Variants in ADGRG1 observed in about 807,000 individuals in gnomAD.
ADGRG1 encodes adhesion G protein-coupled receptor G1.
In ADGRG1, 53 loss-of-function variants were observed where a neutral mutation model predicts 73.5. The ratio of observed to expected loss-of-function variants is 0.72; its 90% CI spans 0.58 to 0.91. ADGRG1 has a LOEUF of 0.91. Ranked by LOEUF, ADGRG1 falls within the 40% of genes least tolerant of loss-of-function variation. ADGRG1 has a pLI of 0.00. For synonymous variants in ADGRG1, 394 were observed against 374.4 expected (o/e 1.05, Z -0.60); for missense variants, 795 against 871.8 (o/e 0.91, Z 1.11).
Position 57,629,638 on chromosome 16 carries a change from C to A in ADGRG1, c.-36+836C>A, listed in dbSNP as rs563746567. On this transcript the variant is annotated intron_variant, in intron 1 of 13. Transcript: ENST00000562631. Reference sequence around the variant, plus strand: ...AGGCCAGCTTTGGGAGAAGGTGGCCCCGCAGGGTCTCTGAACGTGGGCCAC... The same window carrying A: ...AGGCCAGCTTTGGGAGAAGGTGGCCACGCAGGGTCTCTGAACGTGGGCCAC... Among the ~76,000 whole-genome samples the A allele has an allele frequency of 9.0e-4, 137 of 152,272 alleles. 1 individual carries two copies. The South Asian group carries it at 0.013, about 15-fold the overall frequency.
At chr16:57,634,138 C>T (rs1171254205) in intron 1 of ADGRG1, 1 of 985,202 alleles carries the variant, frequency 1.0e-6, no homozygotes, top group African/African-American at 1.7e-5. Context: ...CACTTCTCTG[C>T]TGGGTGAGTT....
upstream of ADGRG1, chr16:57,627,358 G>C (rs1308941733): frequency 6.5e-6 from 1 of 152,748 alleles, no homozygotes; most frequent in African/African-American, 2.4e-5. Flanking sequence ...GAGGCCTGGG[G>C]TGCTGGATTG....
chr16:57,628,917 AGTGAGT>A lies in ADGRG1; in HGVS notation c.-36+133_-36+138del, dbSNP rs1270499487. Reference sequence around the variant, plus strand: ...GAGTGTGTGAGTGTGAGTGTGTGAGAGTGAGTGTGAGTGTGAGTGTGAGCGTGAGAG... The same window carrying A: ...GAGTGTGTGAGTGTGAGTGTGTGAGAGTGAGTGTGAGTGTGAGCGTGAGAG... On this transcript the variant is annotated intron_variant, in intron 1 of 13. Transcript: ENST00000562631. 1.5e-3 allele frequency: 1,107 copies of A among 739,494 alleles called. 19 individuals carry two copies. The highest frequency in any genetic ancestry group is 7.2e-3 in the South Asian group (113 of 15,764). The allele number at this position is 739,494 out of a possible 1,614,324, so 45.8% of individuals were successfully genotyped here.
chr16:57,631,476 A>T (rs1183459466), intron 1 of ADGRG1: 16 of 985,492 alleles, frequency 1.6e-5, no homozygotes, highest in Non-Finnish European at 1.9e-5. Flanking sequence ...GGGTGGAAGT[A>T]GGGAGGAGAG....
intron 1 of ADGRG1, among the ~76,000 whole-genome samples, chr16:57,649,024 A>G (rs1383871501): frequency 6.6e-6 from 1 of 152,218 alleles, no homozygotes; most frequent in Admixed American, 6.5e-5. Flanking sequence ...CAGGGGTGGG[A>G]TGGGTCAACA....
At chr16:57,626,013 G>A (rs1399264484), upstream of ADGRG1, among the ~76,000 whole-genome samples, 4 of 152,230 alleles carry the variant, frequency 2.6e-5, no homozygotes, top group African/African-American at 7.2e-5. Flanking sequence ...ATAGAAAGGC[G>A]TGGGTAGCCC....
intron 1 of ADGRG1, chr16:57,631,892 G>C (rs2038039034): frequency 1.0e-6 from 1 of 968,864 alleles, no homozygotes; most frequent in Non-Finnish European, 1.2e-6. Flanking sequence ...TGGACTGCTG[G>C]GTAGAGGGGC....
rs1399609323 is a variant in ADGRG1, at chr16:57,628,941, CGTGAGAGT to C, written c.-36+151_-36+158del. 6.7e-3 allele frequency: 3,867 copies of C among 576,584 alleles called. 126 individuals carry two copies. Among genetic ancestry groups the C allele is most frequent in the African/African-American group, 0.04 (1,354 of 33,688 alleles). 35.7% of individuals were successfully genotyped at this position (576,584 alleles called of 1,614,324 possible). ...GAGTGAGTGTGAGTGTGAGTGTGAG[CGTGAGAGT>C]GTGAGAGTGTGTGAGTGTGAGTGTG... On this transcript the variant is annotated intron_variant, in intron 1 of 13. Transcript: ENST00000562631.
chr16:57,650,778 G>A lies in ADGRG1; in HGVS notation c.65-422G>A, dbSNP rs148658865. On this transcript the variant is annotated intron_variant, in intron 2 of 13. Transcript: ENST00000562631. The stretch of plus-strand genomic sequence containing the variant: ...GGCTGGAGTGCAGTGGCGGGATCTC[G>A]GCTCACTGCAAGCTCCGCCTCCCGG... Among the ~76,000 whole-genome samples, 2,535 of 137,298 alleles carry A rather than the reference G, an allele frequency of 0.018. 178 individuals carry two copies. In the East Asian group the frequency reaches 0.23, roughly 13 times the overall value. 90.1% of individuals were successfully genotyped at this position (137,298 alleles called of 152,430 possible). A position where few individuals can be genotyped will look rare whatever the true frequency, so the allele number is the denominator to read the frequency against.
At chr16:57,635,179 C>T (rs2039045137) in intron 1 of ADGRG1, 1 of 985,254 alleles carries the variant, frequency 1.0e-6, no homozygotes, top group Non-Finnish European at 1.2e-6. Context: ...GCATTCCTGA[C>T]CCCATGGCAC....
upstream of ADGRG1, chr16:57,628,057 C>T (rs540802090): frequency 1.9e-4 from 166 of 893,460 alleles, no homozygotes; most frequent in Middle Eastern, 5.8e-4. Flanking sequence ...AGAGGGGAGA[C>T]GGGTCACCCC....
chr16:57,658,925 A>C, intron 10 of ADGRG1: 2 of 973,694 alleles, frequency 2.1e-6, no homozygotes, highest in South Asian at 4.8e-5. Flanking sequence ...TGCACCCTCT[A>C]GGGCCATGTA....
intron 5 of ADGRG1, among the ~76,000 whole-genome samples, chr16:57,654,617 C>T (rs2045126760): frequency 3.9e-5 from 6 of 152,148 alleles, no homozygotes; most frequent in Admixed American, 3.9e-4. Flanking sequence ...CAGTGGCTCA[C>T]ATCTGTAATC....
At position 57,629,034 on chromosome 16, in the gene ADGRG1, G is replaced by A. The variant is rs369011440; in HGVS notation, c.-36+232G>A. 14 of 421,452 alleles carry A rather than the reference G, an allele frequency of 3.3e-5. No individual in the cohort carries two copies. The South Asian group carries it at 4.1e-4, about 12-fold the overall frequency. 26.1% of individuals were successfully genotyped at this position (421,452 alleles called of 1,614,324 possible). On this transcript the variant is annotated intron_variant, in intron 1 of 13. Transcript: ENST00000562631. ...AGTGTGACTGAGCGTTTGAGTGTGA[G>A]AGTGTGAGTGAGTGTGTGTGAGTAT...
chr16:57,649,025 T>C (rs3848271), intron 1 of ADGRG1, among the ~76,000 whole-genome samples: 151,226 of 152,376 alleles, frequency 0.99, 75,044 homozygotes, highest in East Asian at 1. Flanking sequence ...AGGGGTGGGA[T>C]GGGTCAACAC....
intron 1 of ADGRG1, among the ~76,000 whole-genome samples, chr16:57,638,962 C>T (rs1347913953): frequency 1.3e-5 from 2 of 151,678 alleles, no homozygotes; most frequent in African/African-American, 4.9e-5. Context: ...CCCAGCTACT[C>T]GGGAGGCTGA....
At chr16:57,630,531 C>T (rs373375298) in intron 1 of ADGRG1, 18 of 985,360 alleles carry the variant, frequency 1.8e-5, no homozygotes, top group African/African-American at 1.4e-4. Context: ...GGCTTGGCTC[C>T]GAGAGTGTCG....
Position 57,651,592 on chromosome 16 carries a change from A to G in ADGRG1, c.457A>G (p.Ser153Gly), listed in dbSNP as rs2044108555. ...WWSPQNISLP[S>G]AASFTFSFHS... ...GAGCCCTCAGAACATCAGCCTGCCC[A>G]GTGCCGCCAGCTTCACCTTCTCCTT... The change falls in exon 3 of 14, where the codon AGT (serine) becomes GGT (glycine). Residue 153 changes from serine (S) to glycine (G), a missense_variant. Physicochemically the swap from Ser to Gly is moderately conservative, Grantham distance 56. Coordinates refer to ENST00000562631, the MANE Select transcript of ADGRG1 (RefSeq NM_201525.4). 6.2e-7 allele frequency: 1 copy of G among 1,613,940 alleles called. No homozygotes were observed. Among genetic ancestry groups the G allele is most frequent in the Non-Finnish European group, 8.5e-7 (1 of 1,180,026 alleles).
At chr16:57,644,193 T>C (rs2041620896) in intron 1 of ADGRG1, 1 of 984,426 alleles carries the variant, frequency 1.0e-6, no homozygotes, top group South Asian at 4.7e-5. Context: ...CCTGGCCCCA[T>C]GCATCCCTGT....
Sources: allele counts gnomAD v4.1 joint callset (sites outside exome capture counted in the v4.1 genomes callset), GRCh38; gene constraint gnomAD v4.1.1; transcripts MANE v1.5; gene names NCBI Gene and HGNC (gene_info 2026-07-23, HGNC 2026-07-21).